CIITA: variants seen among roughly 807,000 people sequenced by gnomAD.
CIITA encodes the protein MHC class II transactivator.
CIITA carries 72 observed loss-of-function variants against 115.1 expected under a neutral mutation model. The ratio of observed to expected loss-of-function variants is 0.63; its 90% confidence interval spans 0.52 to 0.76. The LOEUF is 0.76. Among genes scored for constraint, CIITA ranks in the 30% least tolerant of loss-of-function variants. CIITA has a pLI of 0.00. For missense variants in CIITA, 1,617 were observed against 1,463.8 expected, an observed-to-expected ratio of 1.10 and a Z score of -1.71; for synonymous variants, 763 against 635.6, an observed-to-expected ratio of 1.20 and a Z score of -3.02.
chr16:10,912,267 C>T (rs180896828), intron 13 of CIITA, among the ~76,000 whole-genome samples: 1 of 152,286 alleles, frequency 6.6e-6, no homozygotes, highest in East Asian at 1.9e-4. Flanking sequence ...GTGTACACCA[C>T]TACACCTGGC....
At chr16:10,886,040 TATAAAAC>T (rs1482213320) in intron 1 of CIITA, among the ~76,000 whole-genome samples, 1 of 145,784 alleles carries the variant, frequency 6.9e-6, no homozygotes, top group Non-Finnish European at 1.5e-5. Flanking sequence ...TATGTGCTCT[TATAAAAC>T]ATGTTTTGCC....
At chr16:10,874,914 C>A (rs930801967), upstream of CIITA, among the ~76,000 whole-genome samples, 1 of 152,126 alleles carries the variant, frequency 6.6e-6, no homozygotes, top group Non-Finnish European at 1.5e-5. Flanking sequence ...CAGTCAGAGG[C>A]GCCTCTCCCG....
intron 16 of CIITA, among the ~76,000 whole-genome samples, chr16:10,918,850 G>A (rs754867627): frequency 6.6e-6 from 1 of 152,198 alleles, no homozygotes; most frequent in Admixed American, 6.5e-5. Flanking sequence ...GAACCTAGGG[G>A]TGGTGGCTTC....
rs1411227191 is a variant in CIITA, at chr16:10,907,029, A to G, written c.1537A>G (p.Ser513Gly). 1.2e-6 allele frequency: 2 copies of G among 1,608,406 alleles called. No homozygotes were observed. Among genetic ancestry groups the G allele is most frequent in the Admixed American group, 3.3e-5 (2 of 60,022 alleles). The change falls in exon 11 of 20, where the codon AGC (serine) becomes GGC (glycine). Residue 513 changes from serine (S) to glycine (G), a missense_variant. Ser to Gly is a moderately conservative substitution (Grantham distance 56). Coordinates refer to ENST00000324288, the MANE Select transcript of CIITA (RefSeq NM_000246.4). The surrounding 1 kb of genome is among the most constrained non-coding windows in gnomAD (Gnocchi z 5.0). ...GGAAGCGCAAGATGGCTTCCTGCAC[A>G]GCACGTGCGGACCGGCACCGGCGGA... ...ELEAQDGFLH[S>G]TCGPAPAEPC...
At chr16:10,872,444 T>G (rs1030883301), upstream of CIITA, among the ~76,000 whole-genome samples, 1 of 152,206 alleles carries the variant, frequency 6.6e-6, no homozygotes, top group Non-Finnish European at 1.5e-5. Flanking sequence ...CTTATGGTGG[T>G]AATCTACTTC....
chr16:10,926,029 C>T lies in CIITA; in HGVS notation c.*2174C>T, dbSNP rs1246450118. 2 of 152,240 alleles carry T rather than the reference C, an allele frequency of 1.3e-5. No homozygotes were observed. Among genetic ancestry groups the T allele is most frequent in the African/African-American group, 4.8e-5 (2 of 41,454 alleles). The allele number at this position is 152,240 out of a possible 1,614,324, so 9.4% of individuals were successfully genotyped here. Reference sequence around the variant, plus strand: ...CTGTTGCTTTTCACTCGGGCATAGTCTGCTCAGAAGCCCCAATTCAAGACA... The same window carrying T: ...CTGTTGCTTTTCACTCGGGCATAGTTTGCTCAGAAGCCCCAATTCAAGACA... On this transcript the variant is annotated 3_prime_UTR_variant, in exon 20 of 20. Transcript: ENST00000324288.
intron 1 of CIITA, among the ~76,000 whole-genome samples, chr16:10,887,993 C>T (rs562658354): frequency 1.5e-4 from 23 of 152,220 alleles, no homozygotes; most frequent in Non-Finnish European, 3.1e-4. Context: ...AACAATCTCC[C>T]AGAGTTGCCG....
At chr16:10,905,760 CAA>C (rs796498325) in intron 10 of CIITA, among the ~76,000 whole-genome samples, 1 of 121,680 alleles carries the variant, frequency 8.2e-6, no homozygotes, top group Non-Finnish European at 1.8e-5. Flanking sequence ...GGATCCATCT[CAA>C]AAAAAAAAAA....
Position 10,912,911 on chromosome 16 carries a change from A to T in CIITA, c.2888+2652A>T, listed in dbSNP as rs532521620. Among the ~76,000 whole-genome samples the T allele has an allele frequency of 3.7e-4, 56 of 152,380 alleles. No individual in the cohort carries two copies. In the Middle Eastern group the frequency reaches 0.017, roughly 46 times the overall value. ...ATTTCTGGCATTTTCTCAGGCTTCT[A>T]CTGTGCCCAGGCACCCTGTAGACCT... On this transcript the variant is annotated intron_variant, in intron 13 of 19. Transcript: ENST00000324288.
intron 1 of CIITA, among the ~76,000 whole-genome samples, chr16:10,882,626 G>T (rs1042401288): frequency 1.3e-5 from 2 of 151,992 alleles, no homozygotes; most frequent in African/African-American, 4.8e-5. Context: ...GGCCGGGCAT[G>T]GTGGCTCACA....
At chr16:10,883,820 A>G in intron 1 of CIITA, among the ~76,000 whole-genome samples, 1 of 152,232 alleles carries the variant, frequency 6.6e-6, no homozygotes, top group East Asian at 1.9e-4. Flanking sequence ...GGTGCAATGC[A>G]GTCACAACAG....
At chr16:10,892,726 A>G (rs2037720504) in intron 1 of CIITA, among the ~76,000 whole-genome samples, 1 of 152,212 alleles carries the variant, frequency 6.6e-6, no homozygotes, top group African/African-American at 2.4e-5. Context: ...TGAGGTCAGG[A>G]GTTCAAGACC....
Position 10,942,013 on chromosome 16 carries a change from G to C in CIITA, n.1139G>C. ...GACCCGGGCGCCGAGCATGCAGCGG[G>C]TGGCAAGGGCGGCGGCCCGGCGATC... On this transcript the variant is annotated non_coding_transcript_exon_variant, in exon 2 of 2. Transcript: ENST00000573379. The surrounding 1 kb of genome is among the most constrained non-coding windows in gnomAD (Gnocchi z 5.0). 1 of 1,438,838 alleles carries C rather than the reference G, an allele frequency of 7.0e-7. No homozygotes were observed. The highest frequency in any genetic ancestry group is 9.1e-7 in the Non-Finnish European group (1 of 1,095,174). The allele number at this position is 1,438,838 out of a possible 1,614,324, so 89.1% of individuals were successfully genotyped here.
chr16:10,905,999 C>T (rs1196451914), intron 10 of CIITA, among the ~76,000 whole-genome samples: 1 of 151,990 alleles, frequency 6.6e-6, no homozygotes, highest in African/African-American at 2.4e-5. Context: ...CCAGCCTGGG[C>T]AAAATAGTGA....
chr16:10,908,056 C>G lies in CIITA; in HGVS notation c.2564C>G (p.Ala855Gly), dbSNP rs760864976. ...GTACTGGGCAAGGCCTTGGAGGCGGCGGGCCAAGACTTCTCCCTGGACCTC... is the reference window on the plus strand; with the variant it reads ...GTACTGGGCAAGGCCTTGGAGGCGGGGGGCCAAGACTTCTCCCTGGACCTC... ...AHVLGKALEA[A>G]GQDFSLDLRS... The change falls in exon 11 of 20, where the codon GCG becomes GGG. Residue 855 changes from alanine to glycine, a missense_variant. Transcript: ENST00000324288. 1.9e-6 allele frequency: 3 copies of G among 1,612,694 alleles called. No individual in the cohort carries two copies. The highest frequency in any genetic ancestry group is 1.7e-6 in the Non-Finnish European group (2 of 1,179,440).
rs761522298 is a variant in CIITA, at chr16:10,904,789, C to G, written c.983C>G (p.Ser328Cys). 2 of 1,614,166 alleles carry G rather than the reference C, an allele frequency of 1.2e-6. No homozygotes were observed. Among genetic ancestry groups the G allele is most frequent in the Non-Finnish European group, 1.7e-6 (2 of 1,180,008 alleles). ...PTQCPAAGEV[S>C]NKLPKWPEPV... ...CAATGCCCGGCAGCTGGAGAGGTCT[C>G]CAACAAGCTTCCAAAATGGCCTGGT... The change falls in exon 10 of 20, where the codon TCC (serine) becomes TGC (cysteine). Residue 328 changes from serine to cysteine, a missense_variant. Ser to Cys is a moderately radical substitution (Grantham distance 112, BLOSUM62 -1). Transcript: ENST00000324288.
chr16:10,895,936 G>C (rs1366284872), intron 3 of CIITA, among the ~76,000 whole-genome samples, 172 bp downstream of exon 3: 1 of 152,082 alleles, frequency 6.6e-6, no homozygotes, highest in Non-Finnish European at 1.5e-5. Context: ...GAAGAGAGGG[G>C]AGATGGAGGC....
chr16:10,881,510 C>T (rs1040378085), intron 1 of CIITA, among the ~76,000 whole-genome samples: 1 of 152,182 alleles, frequency 6.6e-6, no homozygotes, highest in Non-Finnish European at 1.5e-5. Flanking sequence ...TTTGACAGTG[C>T]CCTAATGCTT....
At chr16:10,887,246 G>C (rs1429272762) in intron 1 of CIITA, among the ~76,000 whole-genome samples, 10 of 152,218 alleles carry the variant, frequency 6.6e-5, no homozygotes, top group African/African-American at 1.2e-4. Flanking sequence ...TTGGTGTTGG[G>C]GGGGGCCTTG....
Sources: allele counts gnomAD v4.1 joint callset (sites outside exome capture counted in the v4.1 genomes callset), GRCh38; gene constraint gnomAD v4.1.1; non-coding constraint Gnocchi (gnomAD v3.1); transcripts MANE v1.5; gene names NCBI Gene and HGNC (gene_info 2026-07-23, HGNC 2026-07-21).